GTF2A2: variants seen among roughly 807,000 people sequenced by gnomAD.
The protein encoded by GTF2A2 is transcription initiation factor IIA subunit 2.
Under a neutral mutation model 14.3 loss-of-function variants are expected in GTF2A2, and 9 were observed. The observed-to-expected ratio is 0.63, with a 90% CI of 0.38 to 1.10. The LOEUF is 1.10. GTF2A2 is among the 50% of genes least tolerant of loss of function. The probability of loss-of-function intolerance (pLI) is 0.01; values close to 1 mark genes in which losing one functional copy is unlikely to be tolerated. For missense variants in GTF2A2, 90 were observed against 124.6 expected, an observed-to-expected ratio of 0.72 and a Z score of 1.32; for synonymous variants, 56 against 46.0, an observed-to-expected ratio of 1.22 and a Z score of -0.88.
At chr15:59,645,967 G>A (rs1891591559) in intron 3 of GTF2A2, among the ~76,000 whole-genome samples, 1 of 151,852 alleles carries the variant, frequency 6.6e-6, no homozygotes, top group Admixed American at 6.6e-5. Context: ...CCAGGAGGCG[G>A]GGGTCACAGT....
At chr15:59,641,092 G>T (rs1182084331) in intron 4 of GTF2A2, among the ~76,000 whole-genome samples, 1 of 151,824 alleles carries the variant, frequency 6.6e-6, no homozygotes, top group Admixed American at 6.5e-5. Context: ...AGGGGCTCAC[G>T]CCTGTAATCC....
intron 4 of GTF2A2, chr15:59,640,371 A>AGGC (rs1891370279): frequency 2.0e-5 from 3 of 152,324 alleles, no homozygotes; most frequent in Middle Eastern, 6.8e-3. Context: ...TTCTGTTCAG[A>AGGC]GGCTTTATTT....
intron 3 of GTF2A2, among the ~76,000 whole-genome samples, chr15:59,646,419 A>T (rs1891609100): frequency 1.3e-5 from 2 of 152,182 alleles, no homozygotes; most frequent in Middle Eastern, 3.4e-3. Flanking sequence ...CCTTTCCCCA[A>T]AGTTCCCAAA....
intron 3 of GTF2A2, among the ~76,000 whole-genome samples, chr15:59,646,120 G>T (rs1268025751): frequency 6.6e-6 from 1 of 151,900 alleles, no homozygotes; most frequent in African/African-American, 2.4e-5. Context: ...ACAGTGGTGT[G>T]ATCTTGGCTC....
intron 3 of GTF2A2, among the ~76,000 whole-genome samples, chr15:59,647,933 A>G (rs1441188151): frequency 1.3e-5 from 2 of 152,254 alleles, no homozygotes; most frequent in Admixed American, 1.3e-4. Flanking sequence ...AAACAGGGAA[A>G]AGGAAACTTT....
intron 3 of GTF2A2, among the ~76,000 whole-genome samples, chr15:59,646,503 G>C (rs1456927333): frequency 6.6e-6 from 1 of 151,972 alleles, no homozygotes; most frequent in African/African-American, 2.4e-5. Flanking sequence ...ATAATGTTAT[G>C]TAAATAATTT....
rs1241380117 is a variant in GTF2A2, at chr15:59,638,392, ATAAAAGTCTAATAATTAGACTTTAT to A, written c.*715_*739del. ...ATTTCTGCAAGCACAATCCACTGAC[ATAAAAGTCTAATAATTAGACTTTAT>A]TGTAAGTCTAATGTATCTTGTACAT... On this transcript the variant is annotated 3_prime_UTR_variant, in exon 5 of 5. Transcript: ENST00000396060. 1 of 152,118 alleles carries A rather than the reference ATAAAAGTCTAATAATTAGACTTTAT, an allele frequency of 6.6e-6. No individual in the cohort carries two copies. Among genetic ancestry groups the A allele is most frequent in the East Asian group, 1.9e-4 (1 of 5,178 alleles). The allele number at this position is 152,118 out of a possible 1,614,324, so 9.4% of individuals were successfully genotyped here.
chr15:59,650,849 T>G, intron 2 of GTF2A2, 76 bp from the exon 3 acceptor site: 1 of 794,924 alleles, frequency 1.3e-6, no homozygotes, highest in Non-Finnish European at 2.1e-6. Flanking sequence ...ATACAAATTA[T>G]CATCTAAAAT....
In GTF2A2 at chr15:59,657,018, G is replaced by A. The variant is rs145015872; in HGVS notation, c.-50+388C>T. The A allele has an allele frequency of 2.9e-4, 44 of 152,344 alleles. No individual in the cohort carries two copies. The East Asian group carries it at 7.7e-3, about 27-fold the overall frequency. 9.4% of individuals were successfully genotyped at this position (152,344 alleles called of 1,614,324 possible). ...TTCGCACGAAGAAAGTTGGAAGGCA[G>A]ACTTCAAACAACAAGCTACAAAGCA... is the stretch of plus-strand genomic sequence containing the variant. On this transcript the variant is annotated intron_variant, in intron 1 of 4. Transcript: ENST00000396060.
chr15:59,652,206 C>G lies in GTF2A2; in HGVS notation c.72G>C (p.Gln24His). ...SLQESLDELI[Q>H]SQQITPQLAL... is the part of the protein sequence containing the mutation. ...TTTGATTTTTAATTCAGTCTCCCAC[C>G]TGTATGAGCTCATCTAGGCTCTCCT... Residue 24 changes from glutamine (Q) to histidine (H), a missense_variant and splice_region_variant, in exon 2 of 5, where the codon CAG (glutamine) becomes CAC (histidine). Transcript: ENST00000396060. 1 of 1,541,196 alleles carries G rather than the reference C, an allele frequency of 6.5e-7. No homozygotes were observed. Among genetic ancestry groups the G allele is most frequent in the Non-Finnish European group, 8.9e-7 (1 of 1,117,370 alleles).
chr15:59,654,208 C>G (rs1891876204), intron 1 of GTF2A2, among the ~76,000 whole-genome samples: 1 of 152,158 alleles, frequency 6.6e-6, no homozygotes, highest in Non-Finnish European at 1.5e-5. Flanking sequence ...CTTGGAAGGC[C>G]TATGTGATTT....
chr15:59,646,325 G>A (rs1456336971), intron 3 of GTF2A2, among the ~76,000 whole-genome samples: 7 of 152,124 alleles, frequency 4.6e-5, no homozygotes, highest in African/African-American at 1.7e-4. Context: ...CAAAGTGCTG[G>A]GATTACAGGC....
chr15:59,639,140 T>C lies in GTF2A2; in HGVS notation c.322A>G (p.Thr108Ala), dbSNP rs558884016. ...AGTCATATTTTTTCTATTCATTCTGTAGTATTGGAGCCAGTATCTAGGAAA... is the reference window on the plus strand; with the variant it reads ...AGTCATATTTTTTCTATTCATTCTGCAGTATTGGAGCCAGTATCTAGGAAA... Reference protein sequence around the residue: ...CDGKNTGSNTTE With the variant: ...CDGKNTGSNTAE The change falls in exon 5 of 5, where the codon ACA becomes GCA. Residue 108 changes from threonine (T) to alanine (A), a missense_variant. Physicochemically the swap from Thr to Ala is moderately conservative, Grantham distance 58 (BLOSUM62 0). Transcript: ENST00000396060. 2.3e-5 allele frequency: 34 copies of C among 1,459,450 alleles called. No individual in the cohort carries two copies. The South Asian group carries it at 3.9e-4, about 17-fold the overall frequency. 90.4% of individuals were successfully genotyped at this position (1,459,450 alleles called of 1,614,324 possible). A position where few individuals can be genotyped will look rare whatever the true frequency, so the allele number is the denominator to read the frequency against.
rs1595674102 is a variant in GTF2A2 at position 59,652,707 on chromosome 15, G to T, written c.-49-381C>A. On this transcript the variant is annotated intron_variant, in intron 1 of 4. Coordinates refer to ENST00000396060, the MANE Select transcript of GTF2A2 (RefSeq NM_004492.3). ...TGCATGTCTGCCCCTTTATTTTCCTGTTCTCTCTAAATTCAGTATTTACAG... is the reference window on the plus strand; with the variant it reads ...TGCATGTCTGCCCCTTTATTTTCCTTTTCTCTCTAAATTCAGTATTTACAG... Among the ~76,000 whole-genome samples, 3 of 152,010 alleles carry T rather than the reference G, an allele frequency of 2.0e-5. No homozygotes were observed. The South Asian group carries it at 6.2e-4, about 31-fold the overall frequency.
intron 4 of GTF2A2, among the ~76,000 whole-genome samples, chr15:59,640,789 A>G (rs1891391513): frequency 6.6e-6 from 1 of 152,246 alleles, no homozygotes; most frequent in South Asian, 2.1e-4. Flanking sequence ...TTTCAAATAT[A>G]GAAATGTTAT....
Position 59,638,365 on chromosome 15 carries a change from G to A in GTF2A2, c.*767C>T, listed in dbSNP as rs947543911. On this transcript the variant is annotated 3_prime_UTR_variant, in exon 5 of 5. Transcript: ENST00000396060. ...CACCTAGGGTCAGTATGTTACTTCT[G>A]TATTTCTGCAAGCACAATCCACTGA... 4 of 152,078 alleles carry A rather than the reference G, an allele frequency of 2.6e-5. No individual in the cohort carries two copies. The highest frequency in any genetic ancestry group is 9.7e-5 in the African/African-American group (4 of 41,394). The allele number at this position is 152,078 out of a possible 1,614,324, so 9.4% of individuals were successfully genotyped here. A position where few individuals can be genotyped will look rare whatever the true frequency, so the allele number is the denominator to read the frequency against.
intron 3 of GTF2A2, among the ~76,000 whole-genome samples, chr15:59,646,825 G>T (rs990578126): frequency 6.6e-6 from 1 of 151,984 alleles, no homozygotes; most frequent in African/African-American, 2.4e-5. Flanking sequence ...GTAAACGTAA[G>T]AAATAATATA....
chr15:59,643,566 T>C (rs1891504436), intron 3 of GTF2A2, among the ~76,000 whole-genome samples: 2 of 150,284 alleles, frequency 1.3e-5, no homozygotes, highest in Admixed American at 6.6e-5. Flanking sequence ...GGAATATATA[T>C]ATACTTGAGC....
chr15:59,655,811 C>T (rs1566936583), intron 1 of GTF2A2, among the ~76,000 whole-genome samples: 1 of 152,116 alleles, frequency 6.6e-6, no homozygotes, highest in Non-Finnish European at 1.5e-5. Flanking sequence ...TTGGGCAAAA[C>T]CTTTGATTTC....
Sources: gnomAD v4.1 joint callset for allele counts (sites outside exome capture counted in the v4.1 genomes callset) on GRCh38, gnomAD v4.1.1 for gene constraint, MANE v1.5 for transcripts, NCBI Gene and HGNC (gene_info 2026-07-23, HGNC 2026-07-21) for gene names.